The following NALF1 variants were observed in gnomAD, a reference collection of about 807,000 sequenced individuals.
NALF1 encodes family with sequence similarity 155 member A.
In NALF1, 3 loss-of-function variants were observed where a neutral mutation model predicts 48.4. That is an observed-to-expected ratio of 0.06 (90% CI 0.03 to 0.16). The LOEUF (loss-of-function observed/expected upper bound fraction) is 0.16, where lower values mean the gene tolerates loss of function less well. Ranked by LOEUF, NALF1 falls within the 10% of genes least tolerant of loss-of-function variation. NALF1 has a pLI of 1.00. For synonymous variants in NALF1, 262 were observed against 245.7 expected (o/e 1.07, Z -0.62); for missense variants, 526 against 571.5 (o/e 0.92, Z 0.81).
At chr13:107,243,461 T>C (rs989127467) in intron 1 of NALF1, among the ~76,000 whole-genome samples, 2 of 152,142 alleles carry the variant, frequency 1.3e-5, no homozygotes, top group African/African-American at 2.4e-5. Flanking sequence ...ATGCATGCCG[T>C]TGATGTATTT....
chr13:107,349,666 G>T (rs1882835933), intron 1 of NALF1, among the ~76,000 whole-genome samples: 2 of 151,608 alleles, frequency 1.3e-5, no homozygotes, highest in Admixed American at 1.3e-4. Flanking sequence ...ACTTGAACCT[G>T]GGAGGCAGAG....
chr13:107,783,170 C>G (rs796345908), intron 1 of NALF1, among the ~76,000 whole-genome samples: 9 of 105,932 alleles, frequency 8.5e-5, no homozygotes, highest in Non-Finnish European at 1.6e-4. Flanking sequence ...CCCGGCCAGC[C>G]GCCCCGTCCG....
chr13:107,480,130 AT>A, intron 1 of NALF1, among the ~76,000 whole-genome samples: 1 of 152,298 alleles, frequency 6.6e-6, no homozygotes, highest in African/African-American at 2.4e-5. Context: ...TTAAAGCCAA[AT>A]TTAGTTATTA....
intron 1 of NALF1, among the ~76,000 whole-genome samples, chr13:107,328,997 A>G (rs950483880): frequency 6.6e-6 from 1 of 152,228 alleles, no homozygotes; most frequent in Non-Finnish European, 1.5e-5. Context: ...CTTAGATTAT[A>G]TCATGAGGAA....
At chr13:107,239,923 C>T (rs1488998464) in intron 1 of NALF1, among the ~76,000 whole-genome samples, 1 of 152,118 alleles carries the variant, frequency 6.6e-6, no homozygotes, top group Non-Finnish European at 1.5e-5. Flanking sequence ...AAGGAATCCA[C>T]CACAAGGGCA....
chr13:107,657,852 C>T (rs989572207), intron 1 of NALF1, among the ~76,000 whole-genome samples: 1 of 152,118 alleles, frequency 6.6e-6, no homozygotes, highest in Non-Finnish European at 1.5e-5. Flanking sequence ...TGCACGGTTC[C>T]GTCTGACACT....
intron 1 of NALF1, among the ~76,000 whole-genome samples, chr13:107,456,363 C>CA (rs1884826117): frequency 1.3e-5 from 2 of 152,140 alleles, no homozygotes; most frequent in African/African-American, 2.4e-5. Flanking sequence ...ATTAATTTTT[C>CA]AAAATTTATT....
chr13:107,399,666 C>T (rs1883771357), intron 1 of NALF1, among the ~76,000 whole-genome samples: 1 of 152,100 alleles, frequency 6.6e-6, no homozygotes, highest in South Asian at 2.1e-4. Context: ...CAGCTCTTCA[C>T]ACCCCACCAA....
intron 1 of NALF1, among the ~76,000 whole-genome samples, chr13:107,442,821 A>T (rs1347234769): frequency 2.0e-5 from 3 of 152,226 alleles, no homozygotes; most frequent in Admixed American, 2.0e-4. Flanking sequence ...GAAAATGGCA[A>T]ATCGGCATTG....
At chr13:107,357,458 A>G (rs1882983433) in intron 1 of NALF1, among the ~76,000 whole-genome samples, 1 of 152,286 alleles carries the variant, frequency 6.6e-6, no homozygotes, top group African/African-American at 2.4e-5. Flanking sequence ...GGGGACACAG[A>G]GCCAAGCCAT....
chr13:107,633,539 T>C (rs1787404122), intron 1 of NALF1, among the ~76,000 whole-genome samples: 1 of 151,918 alleles, frequency 6.6e-6, no homozygotes, highest in Non-Finnish European at 1.5e-5. Context: ...TCCAAGTTAT[T>C]TACCTCCTAC....
In NALF1 at chr13:107,345,388, C is replaced by T. The variant is rs192752819; in HGVS notation, c.916-134633G>A. The stretch of plus-strand genomic sequence containing the variant: ...GAAGAGAAAAGCTGGAGGCCTCACA[C>T]TTTCTGATTTTGAAACACATTGCAA... On this transcript the variant is annotated intron_variant, in intron 1 of 2. Transcript: ENST00000375915. Among the ~76,000 whole-genome samples, 267 of 152,230 alleles carry T rather than the reference C, an allele frequency of 1.8e-3. 1 individual carries two copies. Among genetic ancestry groups the T allele is most frequent in the African/African-American group, 6.2e-3 (258 of 41,542 alleles).
chr13:107,236,831 C>T (rs554457052), intron 1 of NALF1, among the ~76,000 whole-genome samples: 9 of 152,180 alleles, frequency 5.9e-5, no homozygotes, highest in African/African-American at 2.2e-4. Context: ...ATGTTTTTGT[C>T]TGTACTGAAC....
chr13:107,267,260 G>A (rs1881060229), intron 1 of NALF1, among the ~76,000 whole-genome samples: 2 of 152,146 alleles, frequency 1.3e-5, no homozygotes, highest in African/African-American at 2.4e-5. Context: ...AAAGCTTACA[G>A]CCTAGGTGAG....
chr13:107,758,868 G>C (rs1877190025), intron 1 of NALF1, among the ~76,000 whole-genome samples: 1 of 152,142 alleles, frequency 6.6e-6, no homozygotes, highest in South Asian at 2.1e-4. Flanking sequence ...CTCAATACAG[G>C]TTTTACGAGA....
At chr13:107,487,672 T>G (rs2139066337) in intron 1 of NALF1, among the ~76,000 whole-genome samples, 1 of 152,314 alleles carries the variant, frequency 6.6e-6, no homozygotes, top group East Asian at 1.9e-4. Flanking sequence ...GCTGCTGGAT[T>G]CAGTTTGCTA....
At chr13:107,596,477 A>G (rs1166029781) in intron 1 of NALF1, among the ~76,000 whole-genome samples, 1 of 152,210 alleles carries the variant, frequency 6.6e-6, no homozygotes, top group African/African-American at 2.4e-5. Flanking sequence ...TACACCATGG[A>G]ATGCTATGTA....
chr13:107,313,231 AT>A (rs544303412), intron 1 of NALF1, among the ~76,000 whole-genome samples: 46 of 150,484 alleles, frequency 3.1e-4, no homozygotes, highest in South Asian at 4.2e-4. Flanking sequence ...AGGAACAGGA[AT>A]TTTTTTTTTA....
At chr13:107,828,533 G>A (rs1281877424) in intron 1 of NALF1, among the ~76,000 whole-genome samples, 1 of 146,336 alleles carries the variant, frequency 6.8e-6, no homozygotes, top group African/African-American at 2.5e-5. Context: ...ACACTGTGAG[G>A]AAATTCAGAA....
Sources: allele counts gnomAD v4.1 joint callset (sites outside exome capture counted in the v4.1 genomes callset), GRCh38; gene constraint gnomAD v4.1.1; transcripts MANE v1.5; gene names NCBI Gene and HGNC (gene_info 2026-07-23, HGNC 2026-07-21).